Variants in ELAPOR2 observed in about 807,000 individuals in gnomAD.
ELAPOR2 encodes the protein endosome-lysosome associated apoptosis and autophagy regulator family member 2.
ELAPOR2 carries 89 observed loss-of-function variants against 120.7 expected under a neutral mutation model. That is an observed-to-expected ratio of 0.74 (90% CI 0.62 to 0.88). ELAPOR2 has a LOEUF of 0.88. Ranked by LOEUF, ELAPOR2 falls within the 40% of genes least tolerant of loss-of-function variation. The probability of loss-of-function intolerance (pLI) is 0.00; values close to 1 mark genes in which losing one functional copy is unlikely to be tolerated. For synonymous variants in ELAPOR2, 444 were observed against 444.9 expected (o/e 1.00, Z 0.03); for missense variants, 1,134 against 1,251.6 (o/e 0.91, Z 1.42).
chr7:86,986,428 CAA>C (rs761833388), intron 1 of ELAPOR2, among the ~76,000 whole-genome samples: 8 of 67,052 alleles, frequency 1.2e-4, no homozygotes, highest in African/African-American at 2.2e-4. Context: ...GACTCCGTCT[CAA>C]AAAAAAAAAA....
chr7:87,005,307 G>C (rs1399917243), intron 1 of ELAPOR2, among the ~76,000 whole-genome samples: 1 of 151,368 alleles, frequency 6.6e-6, no homozygotes, highest in Non-Finnish European at 1.5e-5. Flanking sequence ...ACTATTTTAT[G>C]ACATTAAAGT....
At chr7:87,052,958 A>T (rs1014478008) in intron 1 of ELAPOR2, among the ~76,000 whole-genome samples, 4 of 151,862 alleles carry the variant, frequency 2.6e-5, no homozygotes, top group African/African-American at 9.7e-5. Context: ...CACCATGCCC[A>T]GCTGATTTTT....
chr7:86,900,329 A>G (rs1788661462), intron 18 of ELAPOR2, among the ~76,000 whole-genome samples: 1 of 152,210 alleles, frequency 6.6e-6, no homozygotes. Flanking sequence ...ATGTTTTCCT[A>G]CAAATGACTT....
At chr7:87,010,164 A>C (rs1793609110) in intron 1 of ELAPOR2, among the ~76,000 whole-genome samples, 1 of 152,238 alleles carries the variant, frequency 6.6e-6, no homozygotes, top group Non-Finnish European at 1.5e-5. Flanking sequence ...ATTCTTAGAA[A>C]CAAATACATT....
intron 2 of ELAPOR2, among the ~76,000 whole-genome samples, chr7:86,952,315 T>A (rs1156232685): frequency 1.3e-5 from 2 of 152,216 alleles, no homozygotes; most frequent in Non-Finnish European, 2.9e-5. Flanking sequence ...ATGAGGAAAC[T>A]GAGCCACAGT....
chr7:86,909,425 C>A (rs923563662), intron 16 of ELAPOR2, among the ~76,000 whole-genome samples: 1 of 152,018 alleles, frequency 6.6e-6, no homozygotes, highest in Non-Finnish European at 1.5e-5. Flanking sequence ...CACCTGCTTC[C>A]TTTTGGTATG....
chr7:86,940,081 C>A lies in ELAPOR2; in HGVS notation c.776G>T (p.Trp259Leu). The change falls in exon 6 of 22, where the codon TGG (tryptophan) becomes TTG (leucine). Residue 259 changes from tryptophan to leucine, a missense_variant. Trp to Leu is a moderately conservative substitution (Grantham distance 61). Transcript: ENST00000450689. ...MLKSGTNILY[W>L]RTTGILMGSK... The stretch of plus-strand genomic sequence containing the variant: ...ACCCATAAGGATGCCTGTAGTTCTC[C>A]AGTAGAGTATGTTTGTGCCTGATTT... 1 of 1,612,224 alleles carries A rather than the reference C, an allele frequency of 6.2e-7. No individual in the cohort carries two copies. Among genetic ancestry groups the A allele is most frequent in the Non-Finnish European group, 8.5e-7 (1 of 1,178,806 alleles).
At chr7:87,040,027 C>T (rs1338720227) in intron 1 of ELAPOR2, among the ~76,000 whole-genome samples, 2 of 152,150 alleles carry the variant, frequency 1.3e-5, no homozygotes, top group Admixed American at 6.5e-5. Flanking sequence ...CCTGGAAAAT[C>T]GGGTCACTCC....
chr7:86,882,971 C>A (rs1186186920), intron 21 of ELAPOR2, among the ~76,000 whole-genome samples: 1 of 151,754 alleles, frequency 6.6e-6, no homozygotes, highest in Non-Finnish European at 1.5e-5. Flanking sequence ...CTCCCCAATG[C>A]TGCAAGACAC....
At chr7:86,999,462 T>C (rs1227755247) in intron 1 of ELAPOR2, among the ~76,000 whole-genome samples, 1 of 152,132 alleles carries the variant, frequency 6.6e-6, no homozygotes, top group African/African-American at 2.4e-5. Flanking sequence ...CTATAAGTTA[T>C]CATCTTGACA....
intron 18 of ELAPOR2, among the ~76,000 whole-genome samples, chr7:86,903,697 T>C (rs1433130838): frequency 1.3e-5 from 2 of 152,170 alleles, no homozygotes; most frequent in Admixed American, 6.6e-5. Context: ...TTTTGTGAGA[T>C]TCAATATTCC....
intron 21 of ELAPOR2, among the ~76,000 whole-genome samples, chr7:86,882,687 G>A (rs566105537): frequency 6.6e-6 from 1 of 152,190 alleles, no homozygotes; most frequent in African/African-American, 2.4e-5. Context: ...CCACTTGGTA[G>A]GTTGTCAATC....
intron 8 of ELAPOR2, among the ~76,000 whole-genome samples, chr7:86,937,888 T>C (rs1292891479): frequency 2.0e-5 from 3 of 152,100 alleles, no homozygotes. Context: ...ATATCATCCA[T>C]ATTATACAAA....
chr7:87,007,876 T>C (rs1248521630), intron 1 of ELAPOR2, among the ~76,000 whole-genome samples: 3 of 152,086 alleles, frequency 2.0e-5, no homozygotes, highest in African/African-American at 7.2e-5. Flanking sequence ...TTGACATAAA[T>C]AAATGAGGAA....
At chr7:86,993,573 T>C (rs763935019) in intron 1 of ELAPOR2, among the ~76,000 whole-genome samples, 4 of 152,246 alleles carry the variant, frequency 2.6e-5, no homozygotes, top group Non-Finnish European at 5.9e-5. Context: ...TACCTACTGA[T>C]GCTGATAAAT....
intron 1 of ELAPOR2, among the ~76,000 whole-genome samples, chr7:87,054,705 G>A (rs1448895997): frequency 1.3e-5 from 2 of 152,114 alleles, no homozygotes; most frequent in South Asian, 4.1e-4. Context: ...AATCTAGGAA[G>A]GCTCTATAAC....
intron 1 of ELAPOR2, among the ~76,000 whole-genome samples, chr7:87,054,600 G>A (rs1795207681): frequency 6.6e-6 from 1 of 152,188 alleles, no homozygotes; most frequent in South Asian, 2.1e-4. Context: ...CAGAAAGGAT[G>A]TTTCTCAGCT....
chr7:86,994,176 CCTTTA>C (rs1793046724), intron 1 of ELAPOR2, among the ~76,000 whole-genome samples: 1 of 152,084 alleles, frequency 6.6e-6, no homozygotes, highest in Non-Finnish European at 1.5e-5. Context: ...CTGTCATATC[CCTTTA>C]CTTTATACAC....
In ELAPOR2 at chr7:86,893,128, G is replaced by A. The variant is rs768082685; in HGVS notation, c.2686-28C>T. The A allele has an allele frequency of 4.7e-6, 7 of 1,476,730 alleles. No homozygotes were observed. The African/African-American group carries it at 8.9e-5, about 19-fold the overall frequency. The allele number at this position is 1,476,730 out of a possible 1,614,324, so 91.5% of individuals were successfully genotyped here. The stretch of plus-strand genomic sequence containing the variant: ...TTAAAAAAAAAAACATAAAACCATA[G>A]AAGACATGAGAAATGAAATTCAGAC... On this transcript the variant is annotated intron_variant, in intron 19 of 21. Coordinates refer to ENST00000450689, the MANE Select transcript of ELAPOR2 (RefSeq NM_001142749.3).
Sources: allele counts gnomAD v4.1 joint callset (sites outside exome capture counted in the v4.1 genomes callset), GRCh38; gene constraint gnomAD v4.1.1; transcripts MANE v1.5; gene names NCBI Gene and HGNC (gene_info 2026-07-23, HGNC 2026-07-21).